Variants in PSMD5 observed in about 807,000 individuals in gnomAD.
The protein encoded by PSMD5 is 26S proteasome non-ATPase regulatory subunit 5.
PSMD5 carries 40 observed loss-of-function variants against 52.1 expected under a neutral mutation model. That is an observed-to-expected ratio of 0.77 (90% CI 0.60 to 1.00). PSMD5 has a LOEUF of 1.00. Ranked by LOEUF, PSMD5 falls within the 50% of genes least tolerant of loss-of-function variation. The pLI is 0.00. For missense variants in PSMD5, 575 were observed against 605.2 expected (o/e 0.95, Z 0.52); for synonymous variants, 211 against 226.6 (o/e 0.93, Z 0.62).
At chr9:120,836,205 G>A (rs1228407835) in intron 1 of PSMD5, among the ~76,000 whole-genome samples, 1 of 152,152 alleles carries the variant, frequency 6.6e-6, no homozygotes, top group Non-Finnish European at 1.5e-5. Flanking sequence ...CCCATCATAT[G>A]TATATACCCC....
rs1417477711 is a variant in PSMD5, at chr9:120,816,501, T to C, written c.*1405A>G. 1 of 152,138 alleles carries C rather than the reference T, an allele frequency of 6.6e-6. No individual in the cohort carries two copies. The highest frequency in any genetic ancestry group is 2.4e-5 in the African/African-American group (1 of 41,434). 9.4% of individuals were successfully genotyped at this position (152,138 alleles called of 1,614,324 possible). A position where few individuals can be genotyped will look rare whatever the true frequency, so the allele number is the denominator to read the frequency against. ...GCCTAATTAGTAGTGATATTAACAG[T>C]AGGGGACTAGTCAGCATGGAAACAC... On this transcript the variant is annotated 3_prime_UTR_variant, in exon 10 of 10. Transcript: ENST00000210313.
At chr9:120,840,643 G>C (rs1239284547) in intron 1 of PSMD5, among the ~76,000 whole-genome samples, 1 of 133,338 alleles carries the variant, frequency 7.5e-6, no homozygotes, top group Non-Finnish European at 1.6e-5. Flanking sequence ...TTTTTGAGAC[G>C]GAATCTCACT....
At position 120,842,834 on chromosome 9, in the gene PSMD5, G is replaced by C; in HGVS notation, c.76C>G (p.His26Asp). ...EAPLEELRAL[H>D]SVLQAVPLNE... ...AGCGGCACTGCCTGCAGCACGGAGT[G>C]AAGCGCGCGTAGCTCCTCCAGCGGC... is the stretch of plus-strand genomic sequence containing the variant. Residue 26 changes from histidine to aspartate, a missense_variant, in exon 1 of 10, where the codon CAC becomes GAC. Physicochemically the swap from His to Asp is moderately conservative, Grantham distance 81. Coordinates refer to ENST00000210313, the MANE Select transcript of PSMD5 (RefSeq NM_005047.4). The C allele has an allele frequency of 6.2e-7, 1 of 1,610,406 alleles. No individual in the cohort carries two copies. Among genetic ancestry groups the C allele is most frequent in the Non-Finnish European group, 8.5e-7 (1 of 1,179,528 alleles).
Position 120,824,763 on chromosome 9 carries a change from C to A in PSMD5, c.815-78G>T, listed in dbSNP as rs548926584. On this transcript the variant is annotated intron_variant, in intron 6 of 9. Transcript: ENST00000210313. ...TGCGGGCTCTATGACTTCACAGGAACAGAAATGAACTGCAGGCCAGAAAAG... is the reference window on the plus strand; with the variant it reads ...TGCGGGCTCTATGACTTCACAGGAAAAGAAATGAACTGCAGGCCAGAAAAG... 72 of 1,200,142 alleles carry A rather than the reference C, an allele frequency of 6.0e-5. No individual in the cohort carries two copies. In the African/African-American group the frequency reaches 1.1e-3, roughly 18 times the overall value. 74.3% of individuals were successfully genotyped at this position (1,200,142 alleles called of 1,614,324 possible).
Position 120,817,915 on chromosome 9 carries a change from T to C in PSMD5, c.1506A>G (p.Gly502=), listed in dbSNP as rs150479898. 154 of 1,611,606 alleles carry C rather than the reference T, an allele frequency of 9.6e-5. No homozygotes were observed. The African/African-American group carries it at 1.9e-3, about 20-fold the overall frequency. Residue 502 remains glycine, a synonymous_variant, in exon 10 of 10, where the codon GGA becomes GGG. Coordinates refer to ENST00000210313, the MANE Select transcript of PSMD5 (RefSeq NM_005047.4). ...TGAGCTCTAGAAGAAATCATTCGGC[T>C]CCTTCTACTGCTGTCGTGGAAACAG... ...VKPVSTTAVE[G]AE is the part of the protein sequence containing the mutation.
chr9:120,822,558 T>A (rs1460690015), intron 7 of PSMD5, among the ~76,000 whole-genome samples: 1 of 152,246 alleles, frequency 6.6e-6, no homozygotes, highest in Non-Finnish European at 1.5e-5. Context: ...TTCTAATTTT[T>A]ATTTTTTTGA....
At chr9:120,831,790 G>A (rs143105219) in intron 3 of PSMD5, 42 bp downstream of exon 3, 20 of 1,580,314 alleles carry the variant, frequency 1.3e-5, no homozygotes, top group African/African-American at 4.1e-5. Flanking sequence ...TTGGGACACC[G>A]ATGTCTCTGC....
At chr9:120,838,999 A>G (rs988386336) in intron 1 of PSMD5, among the ~76,000 whole-genome samples, 3 of 152,236 alleles carry the variant, frequency 2.0e-5, no homozygotes, top group Non-Finnish European at 4.4e-5. Flanking sequence ...AATAACAATA[A>G]TGTCCTTTAG....
At position 120,833,327 on chromosome 9, in the gene PSMD5, G is replaced by A. The variant is rs370064434; in HGVS notation, c.303C>T (p.Ile101=). 10 of 1,613,732 alleles carry A rather than the reference G, an allele frequency of 6.2e-6. No individual in the cohort carries two copies. The highest frequency in any genetic ancestry group is 8.5e-6 in the Non-Finnish European group (10 of 1,179,874). ...GLIHPDDSVK[I]LTLSQIGRIV... ...AATTTCATACCTGGGAAAGAGTGAG[G>A]ATTTTTACAGAATCATCAGGGTGAA... The change falls in exon 2 of 10, where the codon ATC becomes ATT. Residue 101 remains isoleucine, a synonymous_variant. Coordinates refer to ENST00000210313, the MANE Select transcript of PSMD5 (RefSeq NM_005047.4).
chr9:120,823,295 ACCT>A (rs1383978688), intron 7 of PSMD5, among the ~76,000 whole-genome samples: 1 of 136,302 alleles, frequency 7.3e-6, no homozygotes. Flanking sequence ...TGCAACCTTT[ACCT>A]CCTGTGTTCA....
chr9:120,841,551 C>T (rs1209267031), intron 1 of PSMD5, among the ~76,000 whole-genome samples: 1 of 152,106 alleles, frequency 6.6e-6, no homozygotes, highest in Non-Finnish European at 1.5e-5. Flanking sequence ...TGCACTCCAA[C>T]CTGGGAGACA....
chr9:120,836,196 C>T (rs1293249645), intron 1 of PSMD5, among the ~76,000 whole-genome samples: 1 of 152,122 alleles, frequency 6.6e-6, no homozygotes, highest in South Asian at 2.1e-4. Context: ...GTACAATATC[C>T]CATCATATGT....
At position 120,816,770 on chromosome 9, in the gene PSMD5, A is replaced by G. The variant is rs1401137728; in HGVS notation, c.*1136T>C. 1 of 152,244 alleles carries G rather than the reference A, an allele frequency of 6.6e-6. No individual in the cohort carries two copies. Among genetic ancestry groups the G allele is most frequent in the Admixed American group, 6.5e-5 (1 of 15,278 alleles). 9.4% of individuals were successfully genotyped at this position (152,244 alleles called of 1,614,324 possible). On this transcript the variant is annotated 3_prime_UTR_variant, in exon 10 of 10. Transcript: ENST00000210313. ...GGGTGTAGGTGTTGTCAATGAAAAGAAAGATTATCCTTTGTAAATTAATGA... is the reference window on the plus strand; with the variant it reads ...GGGTGTAGGTGTTGTCAATGAAAAGGAAGATTATCCTTTGTAAATTAATGA...
intron 9 of PSMD5, among the ~76,000 whole-genome samples, chr9:120,819,335 C>T (rs1279553138): frequency 6.6e-6 from 1 of 152,190 alleles, no homozygotes; most frequent in Non-Finnish European, 1.5e-5. Flanking sequence ...AAACTTTGGC[C>T]TGCTTCACAA....
Position 120,818,101 on chromosome 9 carries a change from A to G in PSMD5, c.1320T>C (p.Tyr440=). Residue 440 remains tyrosine, a synonymous_variant, in exon 10 of 10, where the codon TAT becomes TAC. Coordinates refer to ENST00000210313, the MANE Select transcript of PSMD5 (RefSeq NM_005047.4). ...LMFNSPGFVE[Y]VVDRSVEHDK... ...CATGCTCCACAGACCGGTCCACCAC[A>G]TATTCTACAAAACCTGGACTGTTAA... 3 of 1,614,208 alleles carry G rather than the reference A, an allele frequency of 1.9e-6. No individual in the cohort carries two copies. The highest frequency in any genetic ancestry group is 2.5e-6 in the Non-Finnish European group (3 of 1,180,026).
At chr9:120,819,963 G>A (rs1227559856) in intron 9 of PSMD5, among the ~76,000 whole-genome samples, 2 of 152,110 alleles carry the variant, frequency 1.3e-5, no homozygotes, top group African/African-American at 2.4e-5. Flanking sequence ...CCCAGTCTAG[G>A]CCATGTATGC....
chr9:120,819,483 C>T (rs1289857249), intron 9 of PSMD5, among the ~76,000 whole-genome samples: 2 of 152,292 alleles, frequency 1.3e-5, no homozygotes, highest in Non-Finnish European at 2.9e-5. Context: ...AAATACTAAG[C>T]AGGATCCAAA....
chr9:120,835,646 T>C (rs1457528843), intron 1 of PSMD5, among the ~76,000 whole-genome samples: 1 of 151,976 alleles, frequency 6.6e-6, no homozygotes, highest in Non-Finnish European at 1.5e-5. Context: ...GGAGAATCGC[T>C]TGAACCCAGG....
rs2045142108 is a variant in PSMD5, at chr9:120,828,982, C to T, written c.671+117G>A. The T allele has an allele frequency of 8.5e-6, 11 of 1,292,112 alleles. No homozygotes were observed. The South Asian group carries it at 2.4e-4, about 28-fold the overall frequency. The allele number at this position is 1,292,112 out of a possible 1,614,324, so 80.0% of individuals were successfully genotyped here. A position where few individuals can be genotyped will look rare whatever the true frequency, so the allele number is the denominator to read the frequency against. The stretch of plus-strand genomic sequence containing the variant: ...AAGATCCCTCCTTCAGGACACACAT[C>T]AGTCATGAGATTGCAACCTGGGCAA... On this transcript the variant is annotated intron_variant, in intron 5 of 9. Transcript: ENST00000210313.
Sources: allele counts gnomAD v4.1 joint callset (sites outside exome capture counted in the v4.1 genomes callset), GRCh38; gene constraint gnomAD v4.1.1; transcripts MANE v1.5; gene names NCBI Gene and HGNC (gene_info 2026-07-23, HGNC 2026-07-21).